The following WDR70 variants were observed in gnomAD, a reference collection of about 807,000 sequenced individuals.
WDR70 encodes WD repeat-containing protein 70.
WDR70 carries 53 observed loss-of-function variants against 88.6 expected under a neutral mutation model. The ratio of observed to expected loss-of-function variants is 0.60; its 90% CI spans 0.48 to 0.75. WDR70 has a LOEUF of 0.75. WDR70 is among the 30% of genes least tolerant of loss of function. The pLI, the probability that WDR70 is intolerant of heterozygous loss-of-function variation, is 0.00. For synonymous variants in WDR70, 280 were observed against 270.0 expected, an observed-to-expected ratio of 1.04 and a Z score of -0.36; for missense variants, 610 against 823.2, an observed-to-expected ratio of 0.74 and a Z score of 3.17.
chr5:37,645,228 C>A (rs1411012206), intron 10 of WDR70, among the ~76,000 whole-genome samples: 1 of 151,228 alleles, frequency 6.6e-6, no homozygotes, highest in East Asian at 1.9e-4. Flanking sequence ...TTAATCCCTT[C>A]ATTGACTCAC....
chr5:37,633,009 T>TA (rs1744860863), intron 10 of WDR70, among the ~76,000 whole-genome samples: 1 of 152,234 alleles, frequency 6.6e-6, no homozygotes, highest in Admixed American at 6.5e-5. Flanking sequence ...ACCATGGTGT[T>TA]ACAGTTGCCT....
intron 10 of WDR70, among the ~76,000 whole-genome samples, chr5:37,646,372 C>T (rs543596386): frequency 1.8e-4 from 28 of 152,134 alleles, no homozygotes; most frequent in Middle Eastern, 3.4e-3. Flanking sequence ...ATGGGCTCAT[C>T]TTTTGGTACT....
chr5:37,439,168 T>C (rs1750575416), intron 6 of WDR70, among the ~76,000 whole-genome samples: 1 of 152,062 alleles, frequency 6.6e-6, no homozygotes, highest in Non-Finnish European at 1.5e-5. Context: ...TCTTCCTGCC[T>C]CGGCCTCCCA....
intron 10 of WDR70, among the ~76,000 whole-genome samples, chr5:37,656,052 T>C (rs1350659949): frequency 1.8e-5 from 2 of 114,260 alleles, no homozygotes; most frequent in Non-Finnish European, 4.4e-5. Flanking sequence ...CTTTTTGCCC[T>C]GGTTTTTTTT....
At chr5:37,687,809 C>G (rs1354079410) in intron 10 of WDR70, 2 of 475,736 alleles carry the variant, frequency 4.2e-6, no homozygotes, top group South Asian at 4.4e-5. Context: ...GGCTATATGT[C>G]TTTCTACCTT....
chr5:37,720,985 A>G (rs1747794089), intron 13 of WDR70, 130 bp from the exon 14 acceptor site: 1 of 750,444 alleles, frequency 1.3e-6, no homozygotes, highest in Non-Finnish European at 2.2e-6. Flanking sequence ...TTTAAAAGAA[A>G]ATGTCTGAAA....
chr5:37,588,783 A>G (rs1051043312), intron 9 of WDR70, among the ~76,000 whole-genome samples: 1 of 151,700 alleles, frequency 6.6e-6, no homozygotes, highest in African/African-American at 2.4e-5. Context: ...ATTTATTTTG[A>G]GACAGAGTCT....
intron 8 of WDR70, among the ~76,000 whole-genome samples, chr5:37,501,750 G>T (rs1253476321): frequency 1.3e-5 from 2 of 152,082 alleles, no homozygotes; most frequent in Non-Finnish European, 2.9e-5. Context: ...TCAGTTGGTT[G>T]TAAGTATTTG....
chr5:37,644,951 T>C (rs942701390), intron 10 of WDR70, among the ~76,000 whole-genome samples: 3 of 152,092 alleles, frequency 2.0e-5, no homozygotes, highest in Admixed American at 1.3e-4. Context: ...ATTTCATTGA[T>C]CTTTTGTATT....
At chr5:37,613,317 T>C (rs1744237879) in intron 10 of WDR70, among the ~76,000 whole-genome samples, 1 of 152,198 alleles carries the variant, frequency 6.6e-6, no homozygotes. Context: ...GAAAGGCTCT[T>C]TTTAAAGCAT....
At chr5:37,727,248 C>G (rs1223961567) in intron 17 of WDR70, among the ~76,000 whole-genome samples, 2 of 152,020 alleles carry the variant, frequency 1.3e-5, no homozygotes, top group African/African-American at 4.8e-5. Context: ...AAAACTAGGC[C>G]CATTCCATCA....
chr5:37,567,365 C>T (rs1375405124), intron 9 of WDR70, among the ~76,000 whole-genome samples: 1 of 152,044 alleles, frequency 6.6e-6, no homozygotes, highest in East Asian at 1.9e-4. Context: ...TTTTGTTCTG[C>T]CCACAGAATT....
intron 9 of WDR70, among the ~76,000 whole-genome samples, chr5:37,599,838 A>G (rs1203753771): frequency 2.0e-5 from 3 of 151,996 alleles, no homozygotes; most frequent in Non-Finnish European, 4.4e-5. Context: ...GTTTGCAGTG[A>G]GCCGAGATCG....
At chr5:37,514,336 C>CTATATATATATATATATATATA (rs1385732925) in intron 8 of WDR70, among the ~76,000 whole-genome samples, 21 of 10,966 alleles carry the variant, frequency 1.9e-3, no homozygotes, top group Non-Finnish European at 9.0e-3. Flanking sequence ...ATATTTAGAA[C>CTATATATATATATATATATATA]TACATATATA....
At chr5:37,403,266 T>C (rs540443887) in intron 5 of WDR70, among the ~76,000 whole-genome samples, 1 of 152,230 alleles carries the variant, frequency 6.6e-6, no homozygotes, top group South Asian at 2.1e-4. Context: ...TTCTAACCAC[T>C]CATGAATTAT....
intron 10 of WDR70, among the ~76,000 whole-genome samples, chr5:37,651,059 C>T (rs527787388): frequency 2.6e-5 from 4 of 151,776 alleles, no homozygotes; most frequent in African/African-American, 9.7e-5. Flanking sequence ...GTTTGCTGCA[C>T]TCATCAACCC....
chr5:37,428,820 G>A (rs879284309), intron 5 of WDR70, among the ~76,000 whole-genome samples: 1 of 152,070 alleles, frequency 6.6e-6, no homozygotes, highest in African/African-American at 2.4e-5. Flanking sequence ...TAAGAAACTA[G>A]CAAACTGTTT....
intron 7 of WDR70, among the ~76,000 whole-genome samples, chr5:37,461,263 C>T (rs1036073790): frequency 5.9e-5 from 9 of 151,986 alleles, no homozygotes; most frequent in East Asian, 1.9e-4. Context: ...TCTTCACAAC[C>T]GCTTATTATT....
At chr5:37,496,194 G>C (rs1295515437) in intron 8 of WDR70, among the ~76,000 whole-genome samples, 1 of 152,202 alleles carries the variant, frequency 6.6e-6, no homozygotes, top group Non-Finnish European at 1.5e-5. Flanking sequence ...CAATCAGCAG[G>C]ATGTGGGCAG....
Sources: allele counts gnomAD v4.1 joint callset (sites outside exome capture counted in the v4.1 genomes callset), GRCh38; gene constraint gnomAD v4.1.1; transcripts MANE v1.5; gene names NCBI Gene and HGNC (gene_info 2026-07-23, HGNC 2026-07-21).